The following SAMD13 variants were observed in gnomAD, a reference collection of about 807,000 sequenced individuals.
SAMD13 encodes sterile alpha motif domain-containing protein 13.
A neutral mutation model predicts 12.4 loss-of-function variants in SAMD13; 9 were observed. That is an observed-to-expected ratio of 0.72 (90% CI 0.44 to 1.26). The LOEUF is 1.26. Ranked by LOEUF, SAMD13 falls within the 50% of genes most tolerant of loss-of-function variation. SAMD13 has a pLI of 0.00. For synonymous variants in SAMD13, 46 were observed against 45.4 expected, an observed-to-expected ratio of 1.01 and a Z score of -0.05; for missense variants, 84 against 119.6, an observed-to-expected ratio of 0.70 and a Z score of 1.39.
At chr1:84,306,365 T>A (rs1177445207) in intron 2 of SAMD13, among the ~76,000 whole-genome samples, 1 of 152,164 alleles carries the variant, frequency 6.6e-6, no homozygotes, top group Admixed American at 6.5e-5. Flanking sequence ...TAGTAGCTTT[T>A]TAGTAGATTA....
intron 3 of SAMD13, among the ~76,000 whole-genome samples, chr1:84,331,142 C>G (rs1328368764): frequency 1.3e-5 from 2 of 151,638 alleles, no homozygotes; most frequent in Non-Finnish European, 2.9e-5. Context: ...CCAAGTAATA[C>G]TAACTACCTC....
chr1:84,312,504 A>T (rs151297854), intron 2 of SAMD13, among the ~76,000 whole-genome samples: 2 of 152,142 alleles, frequency 1.3e-5, no homozygotes, highest in African/African-American at 4.8e-5. Flanking sequence ...ATACAAAGGG[A>T]TCCTCATAAC....
intron 3 of SAMD13, among the ~76,000 whole-genome samples, chr1:84,346,025 C>G (rs1679526997): frequency 6.6e-6 from 1 of 152,060 alleles, no homozygotes; most frequent in Non-Finnish European, 1.5e-5. Flanking sequence ...TTTTCAATAA[C>G]TAGCATTTAT....
At chr1:84,311,118 T>C (rs921010751) in intron 2 of SAMD13, among the ~76,000 whole-genome samples, 2 of 151,516 alleles carry the variant, frequency 1.3e-5, no homozygotes. Context: ...GGCAGATCAC[T>C]TGAGGTCAGG....
At chr1:84,336,438 G>A (rs1481457919) in intron 3 of SAMD13, among the ~76,000 whole-genome samples, 2 of 152,168 alleles carry the variant, frequency 1.3e-5, no homozygotes. Flanking sequence ...AAGGCAACCA[G>A]GAGCAAGTCA....
intron 3 of SAMD13, among the ~76,000 whole-genome samples, chr1:84,335,465 G>A (rs1027639378): frequency 6.6e-6 from 1 of 152,104 alleles, no homozygotes; most frequent in Non-Finnish European, 1.5e-5. Flanking sequence ...CCTCTTGAGG[G>A]CAGCATACAG....
At chr1:84,321,663 A>G (rs1043349505) in intron 2 of SAMD13, among the ~76,000 whole-genome samples, 3 of 152,230 alleles carry the variant, frequency 2.0e-5, no homozygotes, top group African/African-American at 7.2e-5. Flanking sequence ...AACTAAAGCT[A>G]AGTGTCTCAA....
intron 3 of SAMD13, among the ~76,000 whole-genome samples, chr1:84,335,443 A>T (rs180899825): frequency 1.3e-5 from 2 of 152,210 alleles, no homozygotes; most frequent in East Asian, 3.9e-4. Flanking sequence ...GTGTCATTAC[A>T]TGTAAGATGG....
chr1:84,299,542 C>A, upstream of SAMD13: 1 of 1,385,536 alleles, frequency 7.2e-7, no homozygotes, highest in Non-Finnish European at 9.7e-7. Flanking sequence ...CAAAGTACAC[C>A]ACATAGTGCA....
rs760036992 is a variant in SAMD13, at chr1:84,349,729, T to G, written c.264T>G (p.His88Gln). 6.2e-7 allele frequency: 1 copy of G among 1,613,974 alleles called. No individual in the cohort carries two copies. Among genetic ancestry groups the G allele is most frequent in the Admixed American group, 1.7e-5 (1 of 60,026 alleles). ...CTGCTCTGAAAATCTACGAATATCA[T>G]GTAAAACCTCTGCAGACAAAGCATT... ...LGPALKIYEY[H>Q]VKPLQTKHLK... Residue 88 changes from histidine (H) to glutamine (Q), a missense_variant, in exon 4 of 4, where the codon CAT becomes CAG. Physicochemically the swap from His to Gln is conservative, Grantham distance 24. Coordinates refer to ENST00000394834, the MANE Select transcript of SAMD13 (RefSeq NM_001134663.2).
upstream of SAMD13, among the ~76,000 whole-genome samples, chr1:84,298,739 C>G (rs886738481): frequency 1.3e-5 from 2 of 152,216 alleles, no homozygotes; most frequent in Non-Finnish European, 2.9e-5. Flanking sequence ...GACGTGGGCT[C>G]TCACTGTGGA....
chr1:84,325,907 C>T (rs906515997), intron 3 of SAMD13, among the ~76,000 whole-genome samples, 159 bp downstream of exon 3: 11 of 152,100 alleles, frequency 7.2e-5, no homozygotes, highest in Admixed American at 7.2e-4. Context: ...ATGGATGTAC[C>T]AGGTGAATTA....
At chr1:84,299,133 C>T (rs961923106), upstream of SAMD13, among the ~76,000 whole-genome samples, 9 of 152,164 alleles carry the variant, frequency 5.9e-5, no homozygotes, top group African/African-American at 2.2e-4. Context: ...TCGGCCCTGC[C>T]CTCGGGCGAC....
intron 2 of SAMD13, among the ~76,000 whole-genome samples, chr1:84,313,632 C>A (rs1678764008): frequency 6.6e-6 from 1 of 152,112 alleles, no homozygotes. Context: ...CAGTTTATTT[C>A]CCTACCACCA....
At position 84,350,247 on chromosome 1, in the gene SAMD13, G is replaced by A. The variant is rs563416978; in HGVS notation, c.*473G>A. ...TCCTTAGAGCTTGTGTTACTTGGAC[G>A]GAATTGCCAACACCCTTTTTTATAG... On this transcript the variant is annotated 3_prime_UTR_variant, in exon 4 of 4. Transcript: ENST00000394834. 2.7e-4 allele frequency: 42 copies of A among 152,736 alleles called. No homozygotes were observed. The highest frequency in any genetic ancestry group is 4.1e-4 in the Non-Finnish European group (28 of 68,412). 9.5% of individuals were successfully genotyped at this position (152,736 alleles called of 1,614,324 possible).
chr1:84,323,445 G>A (rs1477221877), intron 2 of SAMD13, among the ~76,000 whole-genome samples: 1 of 152,124 alleles, frequency 6.6e-6, no homozygotes, highest in Non-Finnish European at 1.5e-5. Flanking sequence ...GGGTATGTGT[G>A]TATACAGGCA....
intron 3 of SAMD13, among the ~76,000 whole-genome samples, chr1:84,326,336 ATGT>A (rs1679059582): frequency 1.3e-5 from 2 of 152,100 alleles, no homozygotes; most frequent in Non-Finnish European, 1.5e-5. Flanking sequence ...CTTTATAGGG[ATGT>A]TGTTGTGAGG....
chr1:84,345,392 G>A (rs984514144), intron 3 of SAMD13: 2 of 371,476 alleles, frequency 5.4e-6, no homozygotes, highest in Admixed American at 6.8e-5. Flanking sequence ...ATGGACAGAG[G>A]TCAGCTTAGT....
Position 84,349,882 on chromosome 1 carries a change from T to C in SAMD13, c.*108T>C. 2.7e-6 allele frequency: 4 copies of C among 1,459,804 alleles called. No individual in the cohort carries two copies. Among genetic ancestry groups the C allele is most frequent in the Non-Finnish European group, 3.6e-6 (4 of 1,107,674 alleles). 90.4% of individuals were successfully genotyped at this position (1,459,804 alleles called of 1,614,324 possible). ...TACATACATGTGTATATGTAAAGAA[T>C]TTCAATCAAATGAAACGTTATCCTA... On this transcript the variant is annotated 3_prime_UTR_variant, in exon 4 of 4. Coordinates refer to ENST00000394834, the MANE Select transcript of SAMD13 (RefSeq NM_001134663.2).
Sources: gnomAD v4.1 joint callset for allele counts (sites outside exome capture counted in the v4.1 genomes callset) on GRCh38, gnomAD v4.1.1 for gene constraint, MANE v1.5 for transcripts, NCBI Gene and HGNC (gene_info 2026-07-23, HGNC 2026-07-21) for gene names.